The following SERPIND1 variants were observed in gnomAD, a reference collection of about 807,000 sequenced individuals.
The protein encoded by SERPIND1 is serpin family D member 1.
Under a neutral mutation model 35.0 loss-of-function variants are expected in SERPIND1, and 34 were observed. That is an observed-to-expected ratio of 0.97 (90% CI 0.74 to 1.29). The LOEUF is 1.29. Ranked by LOEUF, SERPIND1 falls within the 50% of genes most tolerant of loss-of-function variation. SERPIND1 has a pLI of 0.00. For missense variants in SERPIND1, 633 were observed against 637.7 expected, an observed-to-expected ratio of 0.99 and a Z score of 0.08; for synonymous variants, 236 against 241.1, an observed-to-expected ratio of 0.98 and a Z score of 0.19.
At chr22:20,776,507 A>T (rs1933292988) in intron 1 of SERPIND1, among the ~76,000 whole-genome samples, 1 of 152,142 alleles carries the variant, frequency 6.6e-6, no homozygotes, top group Non-Finnish European at 1.5e-5. Context: ...CTTAGTTGTG[A>T]CTAAAACAAA....
intron 2 of SERPIND1, 52 bp downstream of exon 2, chr22:20,780,253 G>C (rs764949902): frequency 1.2e-6 from 2 of 1,612,590 alleles, no homozygotes; most frequent in Non-Finnish European, 8.5e-7. Flanking sequence ...TACTATTTTT[G>C]TATGTGGGTA....
rs372583557 is a variant in SERPIND1 at position 20,779,493 on chromosome 22, A to G, written c.181A>G (p.Lys61Glu). 6.2e-7 allele frequency: 1 copy of G among 1,614,160 alleles called. No individual in the cohort carries two copies. The highest frequency in any genetic ancestry group is 8.5e-7 in the Non-Finnish European group (1 of 1,179,972). ...GCCTCTTCTCCCTGCCGACTTCCAC[A>G]AGGAAAACACCGTCACCAACGACTG... The part of the protein sequence containing the change: ...SMPLLPADFH[K>E]ENTVTNDWIP... The change falls in exon 2 of 5, where the codon AAG becomes GAG. Residue 61 changes from lysine (K) to glutamate (E), a missense_variant. Lys to Glu is a moderately conservative substitution (Grantham distance 56). Coordinates refer to ENST00000215727, the MANE Select transcript of SERPIND1 (RefSeq NM_000185.4).
chr22:20,786,938 G>A lies in SERPIND1; in HGVS notation c.1372G>A (p.Val458Met), dbSNP rs748681275. The A allele has an allele frequency of 5.0e-6, 8 of 1,614,150 alleles. No homozygotes were observed. The South Asian group carries it at 8.8e-5, about 18-fold the overall frequency. The change falls in exon 5 of 5, where the codon GTG becomes ATG. Residue 458 changes from valine to methionine, a missense_variant. Transcript: ENST00000215727. ...EGTQATTVTT[V>M]GFMPLSTQVR... Reference sequence around the variant, plus strand: ...CACCCAAGCCACCACTGTGACCACGGTGGGGTTCATGCCGCTGTCCACCCA... The same window carrying A: ...CACCCAAGCCACCACTGTGACCACGATGGGGTTCATGCCGCTGTCCACCCA...
At position 20,787,106 on chromosome 22, in the gene SERPIND1, C is replaced by G; in HGVS notation, c.*40C>G. On this transcript the variant is annotated 3_prime_UTR_variant, in exon 5 of 5. Transcript: ENST00000215727. Reference sequence around the variant, plus strand: ...GTGTCTGAAGTGCCTTGGGGGCACCCTCATTTTGTTTCCATTCCAACAACG... The same window carrying G: ...GTGTCTGAAGTGCCTTGGGGGCACCGTCATTTTGTTTCCATTCCAACAACG... 3 of 1,554,328 alleles carry G rather than the reference C, an allele frequency of 1.9e-6. No individual in the cohort carries two copies. The highest frequency in any genetic ancestry group is 2.7e-6 in the Non-Finnish European group (3 of 1,126,316).
chr22:20,779,604 A>C lies in SERPIND1; in HGVS notation c.292A>C (p.Ser98Arg). Residue 98 changes from serine (S) to arginine (R), a missense_variant, in exon 2 of 5, where the codon AGT becomes CGT. Transcript: ENST00000215727. The stretch of plus-strand genomic sequence containing the variant: ...CGACGACTACATCGACATCGTCGAC[A>C]GTCTGTCAGTTTCCCCGACAGACTC... ...EDDDYIDIVD[S>R]LSVSPTDSDV... 1 of 1,614,190 alleles carries C rather than the reference A, an allele frequency of 6.2e-7. No individual in the cohort carries two copies. Among genetic ancestry groups the C allele is most frequent in the East Asian group, 2.2e-5 (1 of 44,888 alleles).
chr22:20,779,916 T>C lies in SERPIND1; in HGVS notation c.604T>C (p.Phe202Leu). Reference protein sequence around the residue: ...KYEITTIHNLFRKLTHRLFRR... With the variant: ...KYEITTIHNLLRKLTHRLFRR... The stretch of plus-strand genomic sequence containing the variant: ...TGAAATCACGACCATTCATAATCTC[T>C]TCCGTAAGCTGACTCATCGCCTCTT... The change falls in exon 2 of 5, where the codon TTC (phenylalanine) becomes CTC (leucine). Residue 202 changes from phenylalanine (F) to leucine (L), a missense_variant. By Grantham distance (22) the Phe-to-Leu change is conservative. Transcript: ENST00000215727. 1 of 1,612,542 alleles carries C rather than the reference T, an allele frequency of 6.2e-7. No homozygotes were observed. Among genetic ancestry groups the C allele is most frequent in the African/African-American group, 1.3e-5 (1 of 75,036 alleles).
At chr22:20,782,794 A>G (rs1367357277) in intron 2 of SERPIND1, among the ~76,000 whole-genome samples, 2 of 152,192 alleles carry the variant, frequency 1.3e-5, no homozygotes, top group East Asian at 3.9e-4. Flanking sequence ...CATTGCCACA[A>G]ACTATTATGT....
intron 3 of SERPIND1, among the ~76,000 whole-genome samples, chr22:20,785,688 C>G (rs749089479): frequency 2.6e-5 from 4 of 151,912 alleles, no homozygotes; most frequent in Non-Finnish European, 5.9e-5. Flanking sequence ...GAAACCAAAC[C>G]AGAGAATTAT....
At chr22:20,776,391 C>T (rs1933276374) in intron 1 of SERPIND1, among the ~76,000 whole-genome samples, 1 of 152,178 alleles carries the variant, frequency 6.6e-6, no homozygotes, top group African/African-American at 2.4e-5. Context: ...AGTGGCACTG[C>T]AGCCTGAGGC....
rs1193709243 is a variant in SERPIND1, at chr22:20,787,501, A to C, written c.*435A>C. 3.7e-6 allele frequency: 1 copy of C among 270,062 alleles called. No homozygotes were observed. The highest frequency in any genetic ancestry group is 4.2e-5 in the South Asian group (1 of 23,768). The allele number at this position is 270,062 out of a possible 1,614,324, so 16.7% of individuals were successfully genotyped here. A position where few individuals can be genotyped will look rare whatever the true frequency, so the allele number is the denominator to read the frequency against. ...TCCTTACCTCTCCCAAGGAGGGTAC[A>C]CAACTAGCACCATTCTTGATGTCCA... On this transcript the variant is annotated 3_prime_UTR_variant, in exon 5 of 5. Coordinates refer to ENST00000215727, the MANE Select transcript of SERPIND1 (RefSeq NM_000185.4).
At position 20,786,949 on chromosome 22, in the gene SERPIND1, G is replaced by A. The variant is rs200888884; in HGVS notation, c.1383G>A (p.Met461Ile). The change falls in exon 5 of 5, where the codon ATG (methionine) becomes ATA (isoleucine). Residue 461 changes from methionine (M) to isoleucine (I), a missense_variant. Coordinates refer to ENST00000215727, the MANE Select transcript of SERPIND1 (RefSeq NM_000185.4). Reference sequence around the variant, plus strand: ...CCACTGTGACCACGGTGGGGTTCATGCCGCTGTCCACCCAAGTCCGCTTCA... The same window carrying A: ...CCACTGTGACCACGGTGGGGTTCATACCGCTGTCCACCCAAGTCCGCTTCA... ...QATTVTTVGFMPLSTQVRFTV... is the reference protein window; with the variant it reads ...QATTVTTVGFIPLSTQVRFTV... The A allele has an allele frequency of 6.2e-7, 1 of 1,614,152 alleles. No individual in the cohort carries two copies. The highest frequency in any genetic ancestry group is 8.5e-7 in the Non-Finnish European group (1 of 1,180,034).
At chr22:20,777,508 G>A (rs1181187985) in intron 1 of SERPIND1, among the ~76,000 whole-genome samples, 2 of 151,984 alleles carry the variant, frequency 1.3e-5, no homozygotes, top group Non-Finnish European at 2.9e-5. Flanking sequence ...CTGAGCCACC[G>A]CACCCAGCCT....
At position 20,784,061 on chromosome 22, in the gene SERPIND1, C is replaced by A. The variant is rs756525062; in HGVS notation, c.979C>A (p.Gln327Lys). The A allele has an allele frequency of 3.7e-5, 59 of 1,614,020 alleles. No individual in the cohort carries two copies. The highest frequency in any genetic ancestry group is 4.8e-5 in the Non-Finnish European group (57 of 1,180,036). The change falls in exon 3 of 5, where the codon CAG (glutamine) becomes AAG (lysine). Residue 327 changes from glutamine to lysine, a missense_variant. Gln to Lys is a moderately conservative substitution (Grantham distance 53). Coordinates refer to ENST00000215727, the MANE Select transcript of SERPIND1 (RefSeq NM_000185.4). ...EREVVKVSMM[Q>K]TKGNFLAAND... Reference sequence around the variant, plus strand: ...AGAGGTAGTTAAGGTTTCCATGATGCAGACCAAGGGGAACTTCCTCGCAGC... The same window carrying A: ...AGAGGTAGTTAAGGTTTCCATGATGAAGACCAAGGGGAACTTCCTCGCAGC...
intron 1 of SERPIND1, among the ~76,000 whole-genome samples, chr22:20,777,632 G>A (rs995895878): frequency 3.3e-5 from 5 of 152,216 alleles, no homozygotes; most frequent in Admixed American, 1.3e-4. Flanking sequence ...GATTATAGGC[G>A]TAAGCCACAG....
chr22:20,781,099 A>AT (rs929726266), intron 2 of SERPIND1, among the ~76,000 whole-genome samples: 8 of 152,040 alleles, frequency 5.3e-5, no homozygotes, highest in Admixed American at 4.6e-4. Context: ...ATAAATTACT[A>AT]TTTCCCCAGC....
chr22:20,786,861 T>C lies in SERPIND1; in HGVS notation c.1309-14T>C, dbSNP rs1224338824. The C allele has an allele frequency of 1.9e-6, 3 of 1,614,116 alleles. No individual in the cohort carries two copies. The highest frequency in any genetic ancestry group is 2.2e-5 in the East Asian group (1 of 44,872). On this transcript the variant is annotated splice_polypyrimidine_tract_variant and intron_variant, in intron 4 of 4. Transcript: ENST00000215727. ...GCTGACCTCCAGAATCTGACAACTT[T>C]CCTTTCCAAACAGTTCAAGCACCAA...
At chr22:20,782,364 G>A (rs1175192532) in intron 2 of SERPIND1, among the ~76,000 whole-genome samples, 2 of 152,214 alleles carry the variant, frequency 1.3e-5, no homozygotes, top group East Asian at 1.9e-4. Flanking sequence ...TCCCCATCAT[G>A]AGAATAGTCA....
intron 1 of SERPIND1, among the ~76,000 whole-genome samples, chr22:20,775,534 C>G (rs1933200787): frequency 1.3e-5 from 2 of 152,352 alleles, no homozygotes; most frequent in Non-Finnish European, 2.9e-5. Context: ...CTCTGCCACT[C>G]TATCTGGCCT....
chr22:20,785,067 C>CTTTTTTTT (rs1555894632), intron 3 of SERPIND1, among the ~76,000 whole-genome samples: 1 of 134,452 alleles, frequency 7.4e-6, no homozygotes, highest in Non-Finnish European at 1.6e-5. Flanking sequence ...GGGACTGCAT[C>CTTTTTTTT]TTTTTTTTTT....
Sources: allele counts gnomAD v4.1 joint callset (sites outside exome capture counted in the v4.1 genomes callset), GRCh38; gene constraint gnomAD v4.1.1; transcripts MANE v1.5; gene names NCBI Gene and HGNC (gene_info 2026-07-23, HGNC 2026-07-21).